GAREM1: variants seen among roughly 807,000 people sequenced by gnomAD.
The protein encoded by GAREM1 is GRB2-associated and regulator of MAPK protein 1.
A neutral mutation model predicts 71.3 loss-of-function variants in GAREM1; 26 were observed. The ratio of observed to expected loss-of-function variants is 0.36; its 90% CI spans 0.27 to 0.51. The LOEUF is 0.51. Among genes scored for constraint, GAREM1 ranks in the 20% least tolerant of loss-of-function variants. The probability of loss-of-function intolerance (pLI) is 0.95; values close to 1 mark genes in which losing one functional copy is unlikely to be tolerated. For missense variants in GAREM1, 1,026 were observed against 1,103.1 expected, an observed-to-expected ratio of 0.93 and a Z score of 0.99; for synonymous variants, 440 against 433.2, an observed-to-expected ratio of 1.02 and a Z score of -0.20.
chr18:32,328,760 G>C (rs1354106315), intron 2 of GAREM1, among the ~76,000 whole-genome samples: 1 of 152,144 alleles, frequency 6.6e-6, no homozygotes, highest in Non-Finnish European at 1.5e-5. Flanking sequence ...ATACCACTTA[G>C]GGGCAGGGAA....
rs575152333 is a variant in GAREM1 at position 32,411,498 on chromosome 18, T to A, written c.122-18463A>T. Among the ~76,000 whole-genome samples the A allele has an allele frequency of 1.2e-3, 184 of 152,090 alleles. 2 individuals carry two copies. Among genetic ancestry groups the A allele is most frequent in the African/African-American group, 3.7e-3 (155 of 41,368 alleles). On this transcript the variant is annotated intron_variant, in intron 1 of 5. Coordinates refer to ENST00000269209, the MANE Select transcript of GAREM1 (RefSeq NM_001242409.2). ...TATTCTTCAGAAAAATATTTCTTTT[T>A]TTTTTCATTCAAGAGAATTAAATTG...
chr18:32,400,183 T>G (rs2048299614), intron 1 of GAREM1, among the ~76,000 whole-genome samples: 1 of 152,214 alleles, frequency 6.6e-6, no homozygotes, highest in African/African-American at 2.4e-5. Flanking sequence ...CAAGATGGAT[T>G]AAAGACTTAC....
Position 32,268,706 on chromosome 18 carries a change from T to C in GAREM1, c.1796A>G (p.Asn599Ser), listed in dbSNP as rs150358297. The C allele has an allele frequency of 1.9e-6, 3 of 1,614,034 alleles. No homozygotes were observed. The African/African-American group carries it at 4.0e-5, about 22-fold the overall frequency. The change falls in exon 6 of 6, where the codon AAC becomes AGC. Residue 599 changes from asparagine to serine, a missense_variant. By Grantham distance (46) the Asn-to-Ser change is conservative. Transcript: ENST00000269209. ...GTCCACAGAATCAGTTTTCACTCGGTTACATGGATAGCAGGAAACAGGAGT... is the reference window on the plus strand; with the variant it reads ...GTCCACAGAATCAGTTTTCACTCGGCTACATGGATAGCAGGAAACAGGAGT... Reference protein sequence around the residue: ...ESTPVSCYPCNRVKTDSVDLK... With the variant: ...ESTPVSCYPCSRVKTDSVDLK...
intron 2 of GAREM1, among the ~76,000 whole-genome samples, chr18:32,338,955 A>G (rs1019597684): frequency 2.0e-5 from 3 of 152,204 alleles, no homozygotes; most frequent in African/African-American, 7.2e-5. Context: ...AAGGCCTTAA[A>G]AAAGAAAAAA....
At chr18:32,273,248 G>T (rs1567943348) in intron 4 of GAREM1, among the ~76,000 whole-genome samples, 1 of 152,140 alleles carries the variant, frequency 6.6e-6, no homozygotes. Flanking sequence ...CAAAATTTTA[G>T]AATTAGCCAC....
intron 1 of GAREM1, among the ~76,000 whole-genome samples, chr18:32,469,413 C>T (rs191456553): frequency 6.6e-6 from 1 of 152,284 alleles, no homozygotes; most frequent in Admixed American, 6.5e-5. Flanking sequence ...AGTCTAAAAT[C>T]GCATGACGCC....
At chr18:32,449,106 C>T (rs374897519) in intron 1 of GAREM1, among the ~76,000 whole-genome samples, 2 of 152,168 alleles carry the variant, frequency 1.3e-5, no homozygotes, top group East Asian at 1.9e-4. Context: ...CTGGCTTCTC[C>T]GCTTTTCAGC....
At chr18:32,440,905 T>A (rs1259110405) in intron 1 of GAREM1, among the ~76,000 whole-genome samples, 1 of 152,240 alleles carries the variant, frequency 6.6e-6, no homozygotes, top group Non-Finnish European at 1.5e-5. Flanking sequence ...TTTGTCTCTA[T>A]GAGCCCAAGT....
At chr18:32,300,501 T>A (rs974071806) in intron 3 of GAREM1, among the ~76,000 whole-genome samples, 2 of 152,234 alleles carry the variant, frequency 1.3e-5, no homozygotes. Flanking sequence ...AAACTGTTTT[T>A]GTGTTTTCGA....
At chr18:32,396,740 T>C (rs1234543021) in intron 1 of GAREM1, among the ~76,000 whole-genome samples, 1 of 152,104 alleles carries the variant, frequency 6.6e-6, no homozygotes, top group African/African-American at 2.4e-5. Flanking sequence ...GTGCAGGATA[T>C]TATCCAGGAG....
intron 2 of GAREM1, among the ~76,000 whole-genome samples, chr18:32,383,116 C>T (rs544555838): frequency 3.3e-5 from 5 of 152,316 alleles, no homozygotes; most frequent in South Asian, 4.1e-4. Flanking sequence ...ATTGGCTTGA[C>T]TCACTATTAG....
At chr18:32,375,000 T>C (rs2048019060) in intron 2 of GAREM1, among the ~76,000 whole-genome samples, 1 of 152,178 alleles carries the variant, frequency 6.6e-6, no homozygotes, top group Admixed American at 6.5e-5. Context: ...TACTTTCTCC[T>C]AAAGAAGAAG....
At chr18:32,351,441 T>G (rs866261076) in intron 2 of GAREM1, among the ~76,000 whole-genome samples, 1 of 152,062 alleles carries the variant, frequency 6.6e-6, no homozygotes, top group African/African-American at 2.4e-5. Context: ...AACAATATAT[T>G]AATAAAGGTT....
chr18:32,355,881 T>C (rs545216679), intron 2 of GAREM1, among the ~76,000 whole-genome samples: 50 of 152,348 alleles, frequency 3.3e-4, no homozygotes, highest in Middle Eastern at 6.8e-3. Context: ...AAATTCCATA[T>C]ACAGTTATTA....
chr18:32,409,363 T>C (rs1017565244), intron 1 of GAREM1, among the ~76,000 whole-genome samples: 1 of 152,184 alleles, frequency 6.6e-6, no homozygotes, highest in Non-Finnish European at 1.5e-5. Flanking sequence ...AATCCTATTT[T>C]TGGGTGAGTA....
intron 1 of GAREM1, among the ~76,000 whole-genome samples, chr18:32,464,829 A>G (rs2048984172): frequency 1.8e-5 from 2 of 113,192 alleles, no homozygotes; most frequent in South Asian, 5.3e-4. Context: ...AATTCCTATA[A>G]TAAGTAGAAT....
intron 1 of GAREM1, among the ~76,000 whole-genome samples, chr18:32,406,737 A>C (rs2048370664): frequency 6.6e-6 from 1 of 152,162 alleles, no homozygotes; most frequent in Non-Finnish European, 1.5e-5. Context: ...TAATAATTGA[A>C]GTCAATGGAA....
chr18:32,275,714 T>C lies in GAREM1; in HGVS notation c.1567-5331A>G, dbSNP rs1187284488. ...TTTTTTTGAGACTGAGTTTTGCTCT[T>C]GTTGCCCAGGCTGGAGTGCAATGGC... On this transcript the variant is annotated intron_variant, in intron 4 of 5. Coordinates refer to ENST00000269209, the MANE Select transcript of GAREM1 (RefSeq NM_001242409.2). Among the ~76,000 whole-genome samples the C allele has an allele frequency of 3.3e-5, 5 of 152,326 alleles. No individual in the cohort carries two copies. In the East Asian group the frequency reaches 7.7e-4, roughly 24 times the overall value.
At position 32,470,140 on chromosome 18, in the gene GAREM1, G is replaced by GA; in HGVS notation, c.121+167dup. ...CCACCTCCTTGTCTGCTGCTGGGGGGAGTTGAGAGCAACGCGCCAGGGCTG... is the reference window on the plus strand; with the variant it reads ...CCACCTCCTTGTCTGCTGCTGGGGGGAAGTTGAGAGCAACGCGCCAGGGCTG... On this transcript the variant is annotated intron_variant, in intron 1 of 5. Transcript: ENST00000269209. The surrounding 1 kb of genome is among the most constrained non-coding windows in gnomAD (Gnocchi z 4.4). 1 of 680,838 alleles carries GA rather than the reference G, an allele frequency of 1.5e-6. No individual in the cohort carries two copies. Among genetic ancestry groups the GA allele is most frequent in the East Asian group, 3.5e-5 (1 of 28,854 alleles). The allele number at this position is 680,838 out of a possible 1,614,324, so 42.2% of individuals were successfully genotyped here. A position where few individuals can be genotyped will look rare whatever the true frequency, so the allele number is the denominator to read the frequency against.
Sources: gnomAD v4.1 joint callset for allele counts (sites outside exome capture counted in the v4.1 genomes callset) on GRCh38, gnomAD v4.1.1 for gene constraint, Gnocchi (gnomAD v3.1) non-coding constraint, MANE v1.5 for transcripts, NCBI Gene and HGNC (gene_info 2026-07-23, HGNC 2026-07-21) for gene names.